The following TEAD1 variants were observed in gnomAD, a reference collection of about 807,000 sequenced individuals.
TEAD1 encodes transcriptional enhancer factor TEF-1.
Under a neutral mutation model 54.9 loss-of-function variants are expected in TEAD1, and 9 were observed. The observed-to-expected ratio is 0.16, with a 90% CI of 0.10 to 0.29. The LOEUF (loss-of-function observed/expected upper bound fraction) is 0.29, where lower values mean the gene tolerates loss of function less well. TEAD1 is among the 10% of genes least tolerant of loss of function. TEAD1 has a pLI of 1.00. For missense variants in TEAD1, 387 were observed against 535.9 expected (o/e 0.72, Z 2.74); for synonymous variants, 200 against 187.8 (o/e 1.07, Z -0.53).
At chr11:12,930,623 G>A (rs1196787787) in intron 12 of TEAD1, among the ~76,000 whole-genome samples, 1 of 152,186 alleles carries the variant, frequency 6.6e-6, no homozygotes, top group African/African-American at 2.4e-5. Context: ...GAGTAGAAAG[G>A]CCTGGAGAAC....
At chr11:12,879,883 T>C in intron 6 of TEAD1, 41 bp downstream of exon 6, 1 of 1,610,610 alleles carries the variant, frequency 6.2e-7, no homozygotes, top group African/African-American at 1.3e-5. Context: ...GCTGCTGGGG[T>C]TGGGGTTGGC....
intron 2 of TEAD1, among the ~76,000 whole-genome samples, chr11:12,695,081 C>T (rs1943551896): frequency 6.6e-6 from 1 of 152,218 alleles, no homozygotes; most frequent in African/African-American, 2.4e-5. Context: ...TCAAGTGTGG[C>T]TAATTCAGCG....
intron 3 of TEAD1, among the ~76,000 whole-genome samples, chr11:12,794,056 G>A (rs1165701256): frequency 3.3e-5 from 5 of 152,148 alleles, no homozygotes; most frequent in African/African-American, 7.2e-5. Context: ...CTTAAATTTC[G>A]CTTGCTTTGG....
At chr11:12,923,272 T>G (rs908749807) in intron 10 of TEAD1, among the ~76,000 whole-genome samples, 2 of 152,142 alleles carry the variant, frequency 1.3e-5, no homozygotes, top group South Asian at 2.1e-4. Context: ...CTTTAGCGCT[T>G]CTTTCTGGCT....
rs1284983298 is a variant in TEAD1, at chr11:12,938,049, GCT to G, written c.*830_*831del. The G allele has an allele frequency of 6.6e-6, 1 of 152,394 alleles. No individual in the cohort carries two copies. The highest frequency in any genetic ancestry group is 1.5e-5 in the Non-Finnish European group (1 of 67,980). The allele number at this position is 152,394 out of a possible 1,614,324, so 9.4% of individuals were successfully genotyped here. ...ATTATTTAATGAAAAAGAAAAAATGGCTCTTTTTGCAATAAGTAGATACATAC... is the reference window on the plus strand; with the variant it reads ...ATTATTTAATGAAAAAGAAAAAATGGCTTTTTGCAATAAGTAGATACATAC... On this transcript the variant is annotated 3_prime_UTR_variant, in exon 13 of 13. Coordinates refer to ENST00000527636, the MANE Select transcript of TEAD1 (RefSeq NM_021961.6).
At chr11:12,809,030 A>T (rs1304315701) in intron 3 of TEAD1, among the ~76,000 whole-genome samples, 1 of 152,228 alleles carries the variant, frequency 6.6e-6, no homozygotes, top group Non-Finnish European at 1.5e-5. Context: ...GAAAGGAATG[A>T]GGCCCATCCC....
chr11:12,909,103 T>C (rs909414825), intron 10 of TEAD1, among the ~76,000 whole-genome samples: 9 of 152,220 alleles, frequency 5.9e-5, no homozygotes, highest in Non-Finnish European at 1.3e-4. Context: ...TCACTTGTTA[T>C]TTGAGTTCTT....
intron 10 of TEAD1, among the ~76,000 whole-genome samples, chr11:12,917,208 A>G (rs895740442): frequency 1.3e-4 from 20 of 152,190 alleles, no homozygotes; most frequent in Admixed American, 9.2e-4. Context: ...ACAGCTGGCA[A>G]TGTGAGAAGG....
chr11:12,917,378 C>A (rs1242860301), intron 10 of TEAD1, among the ~76,000 whole-genome samples: 1 of 152,062 alleles, frequency 6.6e-6, no homozygotes, highest in East Asian at 1.9e-4. Context: ...TCTTAGCCAG[C>A]CTGGAGCTGA....
chr11:12,738,159 C>T (rs1487633759), intron 2 of TEAD1, among the ~76,000 whole-genome samples: 1 of 152,132 alleles, frequency 6.6e-6, no homozygotes, highest in Non-Finnish European at 1.5e-5. Context: ...GGTGGGTACA[C>T]AGCCAAACCA....
intron 2 of TEAD1, among the ~76,000 whole-genome samples, chr11:12,679,380 A>G (rs1190032010): frequency 1.3e-5 from 2 of 152,194 alleles, no homozygotes; most frequent in African/African-American, 4.8e-5. Flanking sequence ...AAATGGGCTT[A>G]AAAGAAAAAG....
intron 3 of TEAD1, among the ~76,000 whole-genome samples, chr11:12,791,566 T>C (rs948321864): frequency 6.6e-6 from 1 of 152,158 alleles, no homozygotes; most frequent in African/African-American, 2.4e-5. Flanking sequence ...TTTTCCTGGC[T>C]GTAACTAGTG....
intron 2 of TEAD1, among the ~76,000 whole-genome samples, chr11:12,742,468 T>C (rs1468987377): frequency 6.6e-6 from 1 of 152,060 alleles, no homozygotes; most frequent in Non-Finnish European, 1.5e-5. Context: ...GGGAGCTTGA[T>C]CAAAGTGTGC....
At chr11:12,727,782 T>G (rs762124893) in intron 2 of TEAD1, among the ~76,000 whole-genome samples, 1 of 152,226 alleles carries the variant, frequency 6.6e-6, no homozygotes, top group Non-Finnish European at 1.5e-5. Context: ...GCACTTGGCT[T>G]GCTCTACTCT....
rs1949172412 is a variant in TEAD1, at chr11:12,942,631, T to C, written c.*5409T>C. 6.6e-6 allele frequency: 1 copy of C among 152,234 alleles called. No homozygotes were observed. Among genetic ancestry groups the C allele is most frequent in the African/African-American group, 2.4e-5 (1 of 41,456 alleles). The allele number at this position is 152,234 out of a possible 1,614,324, so 9.4% of individuals were successfully genotyped here. A position where few individuals can be genotyped will look rare whatever the true frequency, so the allele number is the denominator to read the frequency against. On this transcript the variant is annotated 3_prime_UTR_variant, in exon 13 of 13. Coordinates refer to ENST00000527636, the MANE Select transcript of TEAD1 (RefSeq NM_021961.6). ...GTCTCTGTGGAGACTTTCTTTTCCA[T>C]TCAAATGACAGTGCGCACTTATCTG...
chr11:12,769,930 T>C (rs180981188), intron 3 of TEAD1, among the ~76,000 whole-genome samples: 1 of 152,098 alleles, frequency 6.6e-6, no homozygotes, highest in Non-Finnish European at 1.5e-5. Flanking sequence ...CGTAGGTGAT[T>C]AAGCCTGTAA....
At chr11:12,908,783 T>A (rs1948563300) in intron 10 of TEAD1, among the ~76,000 whole-genome samples, 1 of 152,216 alleles carries the variant, frequency 6.6e-6, no homozygotes, top group African/African-American at 2.4e-5. Context: ...TGATACATAT[T>A]TATGTAGTTT....
intron 3 of TEAD1, among the ~76,000 whole-genome samples, chr11:12,818,508 T>G (rs1371755): frequency 7.9e-5 from 12 of 152,146 alleles, no homozygotes; most frequent in African/African-American, 2.9e-4. Flanking sequence ...CTAATGGCCC[T>G]GAGTCCGGCA....
chr11:12,734,648 T>C (rs538808183), intron 2 of TEAD1, among the ~76,000 whole-genome samples: 1 of 152,236 alleles, frequency 6.6e-6, no homozygotes, highest in Non-Finnish European at 1.5e-5. Flanking sequence ...TAGCTATGTT[T>C]AGATACACAA....
Sources: allele counts gnomAD v4.1 joint callset (sites outside exome capture counted in the v4.1 genomes callset), GRCh38; gene constraint gnomAD v4.1.1; transcripts MANE v1.5; gene names NCBI Gene and HGNC (gene_info 2026-07-23, HGNC 2026-07-21).